Variants in DYNC2H1 observed in about 807,000 individuals in gnomAD.
DYNC2H1 encodes the protein cytoplasmic dynein 2 heavy chain 1.
Under a neutral mutation model 570.0 loss-of-function variants are expected in DYNC2H1, and 410 were observed. The observed-to-expected ratio is 0.72, with a 90% CI of 0.66 to 0.78. The LOEUF (loss-of-function observed/expected upper bound fraction) is 0.78. DYNC2H1 is among the 30% of genes least tolerant of loss of function. The probability of loss-of-function intolerance (pLI) is 0.00; values close to 1 mark genes in which losing one functional copy is unlikely to be tolerated. For missense variants in DYNC2H1, 4,865 were observed against 5,046.4 expected, an observed-to-expected ratio of 0.96 and a Z score of 1.09; for synonymous variants, 1,688 against 1,677.6, an observed-to-expected ratio of 1.01 and a Z score of -0.15.
intron 36 of DYNC2H1, among the ~76,000 whole-genome samples, chr11:103,174,756 C>T (rs1241881262): frequency 6.6e-6 from 1 of 151,992 alleles, no homozygotes; most frequent in East Asian, 1.9e-4. Flanking sequence ...ATATAACAAC[C>T]ATATGACATC....
rs1466622909 is a variant in DYNC2H1, at chr11:103,114,358, G to A, written c.502+120G>A. 3.4e-6 allele frequency: 4 copies of A among 1,183,572 alleles called. No homozygotes were observed. The African/African-American group carries it at 6.3e-5, about 19-fold the overall frequency. The allele number at this position is 1,183,572 out of a possible 1,614,324, so 73.3% of individuals were successfully genotyped here. A position where few individuals can be genotyped will look rare whatever the true frequency, so the allele number is the denominator to read the frequency against. On this transcript the variant is annotated intron_variant, in intron 3 of 88. Transcript: ENST00000375735. ...ACTTTTGGAATTTCTCTGAGCATAG[G>A]TTTTAAAAAATGAGTAGATTTATGT...
rs185182164 is a variant in DYNC2H1 at position 103,445,070 on chromosome 11, C to T, written c.12456+9038C>T. Among the ~76,000 whole-genome samples the T allele has an allele frequency of 2.6e-4, 40 of 152,302 alleles. 1 individual carries two copies. The highest frequency in any genetic ancestry group is 2.2e-3 in the Admixed American group (34 of 15,302). On this transcript the variant is annotated intron_variant, in intron 85 of 88. Transcript: ENST00000375735. ...CTTTCAAAAAGCATACAAGTAGTTG[C>T]ATCTCTTCTCAAATACCGAATGAAT... is the stretch of plus-strand genomic sequence containing the variant.
chr11:103,265,020 G>T (rs1309937530), intron 70 of DYNC2H1, among the ~76,000 whole-genome samples: 2 of 152,148 alleles, frequency 1.3e-5, no homozygotes, highest in Non-Finnish European at 2.9e-5. Flanking sequence ...CTTCAGCAAA[G>T]TCTCAGGATA....
At chr11:103,210,338 A>G (rs971105808) in intron 53 of DYNC2H1, among the ~76,000 whole-genome samples, 5 of 152,074 alleles carry the variant, frequency 3.3e-5, no homozygotes, top group Non-Finnish European at 5.9e-5. Flanking sequence ...AAAAAGTTTT[A>G]TGACATTCTT....
chr11:103,113,802 AGT>A (rs1309626931), intron 2 of DYNC2H1, 95 bp downstream of exon 2: 1 of 999,054 alleles, frequency 1.0e-6, no homozygotes, highest in Non-Finnish European at 1.4e-6. Flanking sequence ...TAATGTTAGT[AGT>A]GTTTTAATTT....
chr11:103,475,532 T>C (rs769807664), intron 88 of DYNC2H1, among the ~76,000 whole-genome samples: 25 of 152,184 alleles, frequency 1.6e-4, no homozygotes, highest in Non-Finnish European at 2.5e-4. Flanking sequence ...GCTTCTACTG[T>C]GAGCATTTAT....
rs1279380965 is a variant in DYNC2H1, at chr11:103,125,123, T to C, written c.1685T>C (p.Met562Thr). 2 of 1,613,126 alleles carry C rather than the reference T, an allele frequency of 1.2e-6. No individual in the cohort carries two copies. Among genetic ancestry groups the C allele is most frequent in the Non-Finnish European group, 1.7e-6 (2 of 1,179,558 alleles). Residue 562 changes from methionine (M) to threonine (T), a missense_variant, in exon 12 of 89, where the codon ATG becomes ACG. Met to Thr is a moderately conservative substitution (Grantham distance 81). This residue lies in a region of DYNC2H1 where 1,936 missense variants were observed against 1,962.1 expected (regional missense o/e 0.99). Transcript: ENST00000375735. ...AGTATTGAGGCTAGTAGTCGAATTA[T>C]GGAATTGGATTCTAATGATGGATTA... The part of the protein sequence containing the change: ...GLCIEASSRI[M>T]ELDSNDGLLK...
chr11:103,241,667 A>G lies in DYNC2H1; in HGVS notation c.9820-2026A>G, dbSNP rs183979015. ...AGATCAAAAACCTAGGTGCAGCACCATGGTAACACTTCACAGGCTATTTAC... is the reference window on the plus strand; with the variant it reads ...AGATCAAAAACCTAGGTGCAGCACCGTGGTAACACTTCACAGGCTATTTAC... On this transcript the variant is annotated intron_variant, in intron 63 of 88. Transcript: ENST00000375735. This position sits in a 1 kb window ranked among gnomAD's most constrained non-coding sequence, Gnocchi z 5.1. The G allele has an allele frequency of 3.3e-5, 25 of 757,962 alleles. No homozygotes were observed. The Admixed American group carries it at 4.8e-4, about 15-fold the overall frequency. The allele number at this position is 757,962 out of a possible 1,614,324, so 47.0% of individuals were successfully genotyped here. A position where few individuals can be genotyped will look rare whatever the true frequency, so the allele number is the denominator to read the frequency against.
chr11:103,378,423 C>T (rs1941490692), intron 83 of DYNC2H1, among the ~76,000 whole-genome samples: 1 of 152,136 alleles, frequency 6.6e-6, no homozygotes, highest in Non-Finnish European at 1.5e-5. Flanking sequence ...AAAGAGAAAT[C>T]AATACACTTA....
chr11:103,282,308 C>T, intron 72 of DYNC2H1, 79 bp downstream of exon 72: 3 of 1,256,942 alleles, frequency 2.4e-6, no homozygotes, highest in Non-Finnish European at 3.4e-6. Flanking sequence ...TAATTTGCTT[C>T]AGAGGTGTTC....
chr11:103,188,313 A>G (rs1862158164), intron 43 of DYNC2H1, among the ~76,000 whole-genome samples, 184 bp from the exon 44 acceptor site: 1 of 152,090 alleles, frequency 6.6e-6, no homozygotes, highest in African/African-American at 2.4e-5. Context: ...CATAGAACAC[A>G]GAGATTTGAA....
At chr11:103,444,338 A>G (rs1944361262) in intron 85 of DYNC2H1, among the ~76,000 whole-genome samples, 1 of 152,016 alleles carries the variant, frequency 6.6e-6, no homozygotes. Flanking sequence ...AGGGGTTTTC[A>G]TTCAAGTAGC....
intron 87 of DYNC2H1, among the ~76,000 whole-genome samples, chr11:103,458,439 A>T (rs139675940): frequency 6.6e-6 from 1 of 152,198 alleles, no homozygotes; most frequent in Admixed American, 6.5e-5. Flanking sequence ...TAAGTGATGT[A>T]TGACTGTATT....
chr11:103,415,101 C>A (rs1230647006), intron 84 of DYNC2H1, among the ~76,000 whole-genome samples: 2 of 152,144 alleles, frequency 1.3e-5, no homozygotes, highest in Non-Finnish European at 2.9e-5. Context: ...GCTGGGAAAA[C>A]TGGCTAGCCA....
chr11:103,429,726 A>G (rs1322647124), intron 84 of DYNC2H1, among the ~76,000 whole-genome samples: 4 of 152,234 alleles, frequency 2.6e-5, no homozygotes, highest in Non-Finnish European at 5.9e-5. Flanking sequence ...TTAATTGCGT[A>G]GAGTTGTAAA....
intron 83 of DYNC2H1, among the ~76,000 whole-genome samples, chr11:103,387,513 T>C (rs1254139333): frequency 9.2e-5 from 14 of 152,116 alleles, no homozygotes; most frequent in Non-Finnish European, 1.8e-4. Context: ...TAATTAGATC[T>C]CATTTGTCAA....
intron 79 of DYNC2H1, 70 bp downstream of exon 79, chr11:103,312,103 A>T: frequency 6.6e-7 from 1 of 1,510,370 alleles, no homozygotes; most frequent in East Asian, 2.4e-5. Context: ...TTTTGTGGCC[A>T]GGCATGGTGG....
In DYNC2H1 at chr11:103,119,417, G is replaced by A. The variant is rs561807533; in HGVS notation, c.1000-1030G>A. Among the ~76,000 whole-genome samples, 180 of 152,098 alleles carry A rather than the reference G, an allele frequency of 1.2e-3. No homozygotes were observed. In the Middle Eastern group the frequency reaches 0.031, roughly 26 times the overall value. On this transcript the variant is annotated intron_variant, in intron 6 of 88. Transcript: ENST00000375735. ...TACAGTGAGGTGATCTTGGCTCACTGCAACCTCTGCCTCCCAGGATCAAGC... is the reference window on the plus strand; with the variant it reads ...TACAGTGAGGTGATCTTGGCTCACTACAACCTCTGCCTCCCAGGATCAAGC...
At chr11:103,290,186 T>A (rs2135365228) in intron 75 of DYNC2H1, among the ~76,000 whole-genome samples, 1 of 152,260 alleles carries the variant, frequency 6.6e-6, no homozygotes, top group East Asian at 1.9e-4. Flanking sequence ...CATATCTTTT[T>A]TTTTGGGTTG....
Sources: gnomAD v4.1 joint callset for allele counts (sites outside exome capture counted in the v4.1 genomes callset) on GRCh38, gnomAD v4.1.1 for gene constraint, gnomAD v4.1.1 regional missense constraint, Gnocchi (gnomAD v3.1) non-coding constraint, MANE v1.5 for transcripts, NCBI Gene and HGNC (gene_info 2026-07-23, HGNC 2026-07-21) for gene names.